Variants in ZRANB2 observed in about 807,000 individuals in gnomAD.
The protein encoded by ZRANB2 is zinc finger Ran-binding domain-containing protein 2.
Under a neutral mutation model 53.4 loss-of-function variants are expected in ZRANB2, and 19 were observed. The observed-to-expected ratio is 0.36, with a 90% CI of 0.25 to 0.52. ZRANB2 has a LOEUF of 0.52. ZRANB2 is among the 20% of genes least tolerant of loss of function. The probability of loss-of-function intolerance (pLI) is 0.93; values close to 1 mark genes in which losing one functional copy is unlikely to be tolerated. For synonymous variants in ZRANB2, 145 were observed against 134.8 expected, an observed-to-expected ratio of 1.08 and a Z score of -0.52; for missense variants, 309 against 401.1, an observed-to-expected ratio of 0.77 and a Z score of 1.96.
At chr1:71,065,620 T>C in intron 9 of ZRANB2, 1 of 1,539,134 alleles carries the variant, frequency 6.5e-7, no homozygotes, top group South Asian at 1.2e-5. Context: ...ACAAGATGAT[T>C]GTACAATTTG....
chr1:71,072,686 G>A, intron 4 of ZRANB2, 138 bp from the exon 5 acceptor site: 3 of 608,992 alleles, frequency 4.9e-6, no homozygotes, highest in Non-Finnish European at 8.6e-6. Flanking sequence ...CTAGTCTTTA[G>A]AAAGCATATT....
At chr1:71,071,974 T>G (rs1661603938) in intron 6 of ZRANB2, 147 bp downstream of exon 6, 1 of 1,179,226 alleles carries the variant, frequency 8.5e-7, no homozygotes, top group African/African-American at 1.6e-5. Flanking sequence ...CAAATAGTAC[T>G]TGGCAGAGTG....
chr1:71,069,674 C>G (rs1661553206), intron 7 of ZRANB2: 1 of 171,538 alleles, frequency 5.8e-6, no homozygotes, highest in Admixed American at 6.3e-5. Context: ...AGAATACATC[C>G]AAGAAAACAG....
Position 71,064,968 on chromosome 1 carries a change from C to A in ZRANB2, c.*106G>T, listed in dbSNP as rs1401726896. On this transcript the variant is annotated 3_prime_UTR_variant, in exon 10 of 10. Transcript: ENST00000370920. ...TTTGAAAAGCAATGAAAGGCATGCA[C>A]CTCTACTAGCAGATTTAGCACTTCT... is the stretch of plus-strand genomic sequence containing the variant. 5 of 655,240 alleles carry A rather than the reference C, an allele frequency of 7.6e-6. No individual in the cohort carries two copies. In the Admixed American group the frequency reaches 8.2e-5, roughly 11 times the overall value. The allele number at this position is 655,240 out of a possible 1,614,324, so 40.6% of individuals were successfully genotyped here. A position where few individuals can be genotyped will look rare whatever the true frequency, so the allele number is the denominator to read the frequency against.
At chr1:71,072,284 T>C (rs1661611181) in intron 5 of ZRANB2, 29 bp from the exon 6 acceptor site, 2 of 1,592,226 alleles carry the variant, frequency 1.3e-6, no homozygotes, top group African/African-American at 1.4e-5. Flanking sequence ...AAAATGCTTG[T>C]CAGCTGATAA....
In ZRANB2 at chr1:71,065,148, T is replaced by A. The variant is rs370108422; in HGVS notation, c.930-11A>T. On this transcript the variant is annotated splice_polypyrimidine_tract_variant and intron_variant, in intron 9 of 9. Coordinates refer to ENST00000370920, the MANE Select transcript of ZRANB2 (RefSeq NM_203350.3). ...GATGACCTGTGGCGTCTGTAAGACA[T>A]AATGGAGAGAGTAGGCATTCTAGTA... 5 of 1,606,384 alleles carry A rather than the reference T, an allele frequency of 3.1e-6. No individual in the cohort carries two copies. The African/African-American group carries it at 5.4e-5, about 17-fold the overall frequency.
chr1:71,067,132 G>A (rs59019236), intron 8 of ZRANB2, 198 bp from the exon 9 acceptor site: 42,263 of 442,780 alleles, frequency 0.095, 2,333 homozygotes, highest in Middle Eastern at 0.16. Context: ...TTTTAATTTT[G>A]TCTCTTTAAA....
chr1:71,065,233 C>A (rs1046618096), intron 9 of ZRANB2, 96 bp from the exon 10 acceptor site: 1 of 930,006 alleles, frequency 1.1e-6, no homozygotes, highest in Non-Finnish European at 1.6e-6. Context: ...AAATTCAGTA[C>A]CATGATGCTA....
intron 6 of ZRANB2, 34 bp downstream of exon 6, chr1:71,072,086 AG>A (rs1367557851): frequency 5.6e-6 from 9 of 1,595,180 alleles, no homozygotes; most frequent in African/African-American, 4.1e-5. Context: ...AACTCCAATA[AG>A]ACAAAAGGGA....
rs577821629 is a variant in ZRANB2, at chr1:71,065,352, C to T, written c.930-215G>A. On this transcript the variant is annotated intron_variant, in intron 9 of 9. Transcript: ENST00000370920. ...TATAAATACAATAAAAAATTCTCTA[C>T]AATTTCAAAAGAATCTCATTTCAAA... Among the ~76,000 whole-genome samples, 71 of 152,142 alleles carry T rather than the reference C, an allele frequency of 4.7e-4. No individual in the cohort carries two copies. In the South Asian group the frequency reaches 5.0e-3, roughly 11 times the overall value.
chr1:71,070,687 A>C (rs1661574012), intron 7 of ZRANB2, 140 bp downstream of exon 7: 2 of 555,744 alleles, frequency 3.6e-6, no homozygotes, highest in East Asian at 6.2e-5. Flanking sequence ...TAAGCTGAAA[A>C]ATTATTTTAA....
intron 4 of ZRANB2, among the ~76,000 whole-genome samples, chr1:71,075,355 T>C (rs1573059289): frequency 6.6e-6 from 1 of 152,068 alleles, no homozygotes; most frequent in South Asian, 2.1e-4. Context: ...GTATGGTGAG[T>C]GGTACTAATC....
intron 7 of ZRANB2, 50 bp downstream of exon 7, chr1:71,070,777 T>TA: frequency 9.0e-7 from 1 of 1,111,698 alleles, no homozygotes; most frequent in Non-Finnish European, 1.2e-6. Flanking sequence ...AATAAAAAAG[T>TA]TAGATACTGA....
At chr1:71,080,896 C>G (rs757374512) in intron 1 of ZRANB2, 44 bp downstream of exon 1, 44 of 1,606,730 alleles carry the variant, frequency 2.7e-5, no homozygotes, top group Non-Finnish European at 3.7e-5. Flanking sequence ...GGAAAGCTTC[C>G]ACTAACAAAC....
At chr1:71,079,401 G>T (rs535665064) in intron 1 of ZRANB2, among the ~76,000 whole-genome samples, 49 of 152,118 alleles carry the variant, frequency 3.2e-4, no homozygotes, top group Non-Finnish European at 6.0e-4. Context: ...GACCTTAGAA[G>T]TGTACGTGTA....
chr1:71,069,394 A>G (rs1206593143), intron 7 of ZRANB2, 32 bp from the exon 8 acceptor site: 2 of 1,562,626 alleles, frequency 1.3e-6, no homozygotes, highest in African/African-American at 2.7e-5. Flanking sequence ...TTTTTTTTCC[A>G]GGACCATTTA....
chr1:71,067,255 A>G (rs998795303), intron 8 of ZRANB2: 1 of 186,372 alleles, frequency 5.4e-6, no homozygotes, highest in Non-Finnish European at 1.1e-5. Flanking sequence ...ATCAGCAGAT[A>G]ACTGCATTAA....
At chr1:71,080,871 T>A in intron 1 of ZRANB2, 69 bp downstream of exon 1, 3 of 1,571,458 alleles carry the variant, frequency 1.9e-6, no homozygotes, top group Non-Finnish European at 2.6e-6. Context: ...AAAAGGAAAA[T>A]GCCGGACGGA....
chr1:71,065,276 C>T (rs963071808), intron 9 of ZRANB2, 139 bp from the exon 10 acceptor site: 3 of 585,454 alleles, frequency 5.1e-6, no homozygotes, highest in Admixed American at 3.7e-5. Flanking sequence ...TAGGAACTTA[C>T]ACACATAAAA....
Sources: allele counts gnomAD v4.1 joint callset (sites outside exome capture counted in the v4.1 genomes callset), GRCh38; gene constraint gnomAD v4.1.1; transcripts MANE v1.5; gene names NCBI Gene and HGNC (gene_info 2026-07-23, HGNC 2026-07-21).